The following SOX5 variants were observed in gnomAD, a reference collection of about 807,000 sequenced individuals.
The protein encoded by SOX5 is SRY-box transcription factor 5.
In SOX5, 9 loss-of-function variants were observed where a neutral mutation model predicts 92.0. That is an observed-to-expected ratio of 0.10 (90% CI 0.06 to 0.17). SOX5 has a LOEUF of 0.17. Among genes scored for constraint, SOX5 ranks in the 10% least tolerant of loss-of-function variants. SOX5 has a pLI of 1.00. For missense variants in SOX5, 642 were observed against 944.5 expected (o/e 0.68, Z 4.20); for synonymous variants, 344 against 336.3 (o/e 1.02, Z -0.25).
At chr12:24,410,173 T>A (rs1316171163) in intron 1 of SOX5, among the ~76,000 whole-genome samples, 1 of 152,106 alleles carries the variant, frequency 6.6e-6, no homozygotes, top group African/African-American at 2.4e-5. Flanking sequence ...AATTTTTGTA[T>A]TTTTTGTAGA....
At chr12:23,790,491 C>A (rs532358755) in intron 3 of SOX5, among the ~76,000 whole-genome samples, 1 of 151,356 alleles carries the variant, frequency 6.6e-6, no homozygotes, top group African/African-American at 2.4e-5. Flanking sequence ...CTTCTTGCAG[C>A]GCCTGCCCTC....
chr12:23,650,956 G>T (rs2081483737), intron 7 of SOX5, among the ~76,000 whole-genome samples: 1 of 152,030 alleles, frequency 6.6e-6, no homozygotes, highest in Non-Finnish European at 1.5e-5. Flanking sequence ...AATCAATGAA[G>T]GAGAGCAGAG....
intron 9 of SOX5, chr12:23,582,389 A>G (rs1950168020): frequency 4.2e-6 from 2 of 474,190 alleles, no homozygotes; most frequent in Admixed American, 6.4e-5. Flanking sequence ...ATTTACGTGC[A>G]AGAGTCAAAG....
chr12:24,543,319 A>T (rs1490650760), intron 1 of SOX5, among the ~76,000 whole-genome samples: 1 of 152,246 alleles, frequency 6.6e-6, no homozygotes, highest in Non-Finnish European at 1.5e-5. Context: ...GACTTTCAAT[A>T]AAAAAGGTTT....
At chr12:24,145,636 A>G (rs1434178543) in intron 4 of SOX5, among the ~76,000 whole-genome samples, 1 of 152,144 alleles carries the variant, frequency 6.6e-6, no homozygotes, top group East Asian at 1.9e-4. Flanking sequence ...AGCTGAGACT[A>G]CAAGTATGTG....
chr12:23,885,274 T>C (rs975659674), intron 2 of SOX5, among the ~76,000 whole-genome samples: 2 of 152,232 alleles, frequency 1.3e-5, no homozygotes, highest in African/African-American at 4.8e-5. Context: ...CAATAGGTTT[T>C]GAATTTTTAC....
At chr12:23,895,077 G>A (rs1341121974) in intron 2 of SOX5, among the ~76,000 whole-genome samples, 1 of 152,030 alleles carries the variant, frequency 6.6e-6, no homozygotes, top group Non-Finnish European at 1.5e-5. Context: ...TTAAGCTGCA[G>A]CCAGAGATGT....
Position 24,506,784 on chromosome 12 carries a change from CTTTTTTTTTT to C in SOX5, c.-251+55535_-251+55544del, listed in dbSNP as rs386375924. Among the ~76,000 whole-genome samples the C allele has an allele frequency of 4.9e-5, 4 of 81,770 alleles. No homozygotes were observed. The Admixed American group carries it at 5.5e-4, about 11-fold the overall frequency. 53.6% of individuals were successfully genotyped at this position (81,770 alleles called of 152,430 possible). ...CTGTATTTCATGGTATCCAAATGGT[CTTTTTTTTTT>C]TTTTTTTTTTTTGGAGACGGGAGTC... On this transcript the variant is annotated intron_variant, in intron 1 of 4. Coordinates refer to the SOX5 transcript ENST00000446891.
chr12:23,802,520 T>A (rs1466452403), intron 3 of SOX5, among the ~76,000 whole-genome samples: 2 of 151,784 alleles, frequency 1.3e-5, no homozygotes, highest in African/African-American at 2.4e-5. Context: ...AATTTTGGAG[T>A]CTTATATCCC....
chr12:24,103,233 C>G (rs1399067895), intron 4 of SOX5, among the ~76,000 whole-genome samples: 1 of 152,184 alleles, frequency 6.6e-6, no homozygotes, highest in Non-Finnish European at 1.5e-5. Flanking sequence ...TGGATATTAT[C>G]TGAGCAGCCA....
At chr12:23,570,558 C>T (rs2136526424) in intron 10 of SOX5, among the ~76,000 whole-genome samples, 1 of 151,508 alleles carries the variant, frequency 6.6e-6, no homozygotes, top group African/African-American at 2.4e-5. Context: ...TGGGCGAATC[C>T]CTTGAGTCCA....
chr12:24,253,273 T>TC (rs1940516365), intron 3 of SOX5, among the ~76,000 whole-genome samples: 1 of 150,098 alleles, frequency 6.7e-6, no homozygotes, highest in African/African-American at 2.5e-5. Context: ...TGCACATCTT[T>TC]TTTTTTTTTT....
At chr12:23,566,491 A>T (rs1414654527) in intron 10 of SOX5, among the ~76,000 whole-genome samples, 8 of 152,062 alleles carry the variant, frequency 5.3e-5, no homozygotes, top group African/African-American at 1.9e-4. Context: ...CTTTTTCCTC[A>T]CTGCCTCCTC....
At chr12:23,624,591 C>CA (rs1264913864) in intron 8 of SOX5, among the ~76,000 whole-genome samples, 1 of 152,142 alleles carries the variant, frequency 6.6e-6, no homozygotes, top group East Asian at 1.9e-4. Context: ...ACACCTATTA[C>CA]AATGTAAGAC....
intron 12 of SOX5, among the ~76,000 whole-genome samples, chr12:23,545,340 A>G (rs1361458998): frequency 6.6e-6 from 1 of 152,204 alleles, no homozygotes; most frequent in African/African-American, 2.4e-5. Flanking sequence ...CATGGATGCC[A>G]CCTGACAGTA....
chr12:23,682,043 G>A (rs1002959022), intron 6 of SOX5, among the ~76,000 whole-genome samples: 3 of 151,598 alleles, frequency 2.0e-5, no homozygotes, highest in Non-Finnish European at 4.4e-5. Flanking sequence ...AAAAATTTAG[G>A]TGATATAGGC....
intron 4 of SOX5, among the ~76,000 whole-genome samples, chr12:24,053,361 C>T (rs1957768811): frequency 6.6e-6 from 1 of 152,150 alleles, no homozygotes; most frequent in African/African-American, 2.4e-5. Flanking sequence ...AACTCCCGAC[C>T]TCAGGTGATC....
upstream of SOX5, chr12:23,949,743 TC>T: frequency 1.9e-6 from 2 of 1,062,414 alleles, no homozygotes; most frequent in Non-Finnish European, 1.3e-6. Flanking sequence ...TCTCTCTCTC[TC>T]TCTCTCTCCC....
intron 2 of SOX5, among the ~76,000 whole-genome samples, chr12:24,320,911 A>G (rs111593350): frequency 5.3e-5 from 8 of 152,076 alleles, no homozygotes; most frequent in African/African-American, 1.9e-4. Flanking sequence ...ACAGTGTGCA[A>G]CTACACGATG....
Sources: gnomAD v4.1 joint callset for allele counts (sites outside exome capture counted in the v4.1 genomes callset) on GRCh38, gnomAD v4.1.1 for gene constraint, MANE v1.5 for transcripts, NCBI Gene and HGNC (gene_info 2026-07-23, HGNC 2026-07-21) for gene names.